Variants in PRRC2C observed in about 807,000 individuals in gnomAD.
The protein encoded by PRRC2C is protein PRRC2C.
Under a neutral mutation model 317.2 loss-of-function variants are expected in PRRC2C, and 72 were observed. The observed-to-expected ratio is 0.23, with a 90% CI of 0.19 to 0.28. The LOEUF is 0.28. Ranked by LOEUF, PRRC2C falls within the 10% of genes least tolerant of loss-of-function variation. PRRC2C has a pLI of 1.00. For synonymous variants in PRRC2C, 1,296 were observed against 1,205.9 expected, an observed-to-expected ratio of 1.07 and a Z score of -1.55; for missense variants, 3,074 against 3,459.7, an observed-to-expected ratio of 0.89 and a Z score of 2.80.
At chr1:171,554,369 G>A (rs1279683386) in intron 18 of PRRC2C, among the ~76,000 whole-genome samples, 8 of 152,072 alleles carry the variant, frequency 5.3e-5, no homozygotes, top group Non-Finnish European at 8.8e-5. Flanking sequence ...GTCTCTGTAC[G>A]TGAGATGGGT....
intron 19 of PRRC2C, among the ~76,000 whole-genome samples, chr1:171,558,558 A>G (rs1469335063): frequency 6.6e-6 from 1 of 152,152 alleles, no homozygotes; most frequent in Non-Finnish European, 1.5e-5. Flanking sequence ...CAAATTTTTC[A>G]TCATTTATCT....
At chr1:171,539,427 CT>C (rs1347939827) in intron 15 of PRRC2C, among the ~76,000 whole-genome samples, 2 of 152,260 alleles carry the variant, frequency 1.3e-5, no homozygotes, top group Admixed American at 6.5e-5. Flanking sequence ...ATCTCCAGAA[CT>C]TTTTTTTATC....
chr1:171,529,135 C>A (rs188884920), intron 11 of PRRC2C, among the ~76,000 whole-genome samples: 1 of 152,272 alleles, frequency 6.6e-6, no homozygotes, highest in African/African-American at 2.4e-5. Flanking sequence ...AGACACCTCG[C>A]TATTTTGTTT....
At position 171,535,612 on chromosome 1, in the gene PRRC2C, A is replaced by AT; in HGVS notation, c.2043+19dup. Reference sequence around the variant, plus strand: ...AGCGGCAGCAGGTAATGATAAAAATATTTTATCATGTATGTGTGATTGAAG... The same window carrying AT: ...AGCGGCAGCAGGTAATGATAAAAATATTTTTATCATGTATGTGTGATTGAAG... On this transcript the variant is annotated intron_variant, in intron 13 of 34. Coordinates refer to ENST00000647382, the MANE Select transcript of PRRC2C (RefSeq NM_001387844.1). 6.2e-7 allele frequency: 1 copy of AT among 1,610,916 alleles called. No homozygotes were observed. The highest frequency in any genetic ancestry group is 8.5e-7 in the Non-Finnish European group (1 of 1,177,824).
chr1:171,558,174 G>A, intron 19 of PRRC2C, 31 bp downstream of exon 19: 1 of 1,576,542 alleles, frequency 6.3e-7, no homozygotes, highest in Middle Eastern at 1.7e-4. Context: ...GAGGGGTGGG[G>A]AATGGCATAG....
Position 171,490,092 on chromosome 1 carries a change from G to T in PRRC2C, c.-58+4357G>T, listed in dbSNP as rs1666843377. ...CTGCCATCACGCCTGGCTAATTTTT[G>T]TATTTTTAGTAGAGATGGGGTTTCA... On this transcript the variant is annotated intron_variant, in intron 1 of 34. Transcript: ENST00000647382. 2.0e-5 allele frequency among the ~76,000 whole-genome samples: 3 copies of T among 152,018 alleles called. No homozygotes were observed. The South Asian group carries it at 6.2e-4, about 32-fold the overall frequency.
At position 171,541,685 on chromosome 1, in the gene PRRC2C, C is replaced by G; in HGVS notation, c.4219C>G (p.Arg1407Gly). The change falls in exon 16 of 35, where the codon CGA (arginine) becomes GGA (glycine). Residue 1407 changes from arginine (R) to glycine (G), a missense_variant. Physicochemically the swap from Arg to Gly is moderately radical, Grantham distance 125. Transcript: ENST00000647382. The surrounding 1 kb of genome is among the most constrained non-coding windows in gnomAD (Gnocchi z 4.1). ...GTTTATTCCTATAGCAGCAGATAAACGACCTCCAAAATTTGAGCGAAAATT... is the reference window on the plus strand; with the variant it reads ...GTTTATTCCTATAGCAGCAGATAAAGGACCTCCAAAATTTGAGCGAAAATT... Reference protein sequence around the residue: ...EQFIPIAADKRPPKFERKFDP... With the variant: ...EQFIPIAADKGPPKFERKFDP... 3.7e-6 allele frequency: 6 copies of G among 1,613,888 alleles called. No homozygotes were observed. Among genetic ancestry groups the G allele is most frequent in the Non-Finnish European group, 5.1e-6 (6 of 1,179,858 alleles).
chr1:171,580,505 A>G (rs1252358283), intron 28 of PRRC2C, among the ~76,000 whole-genome samples: 1 of 152,238 alleles, frequency 6.6e-6, no homozygotes, highest in African/African-American at 2.4e-5. Flanking sequence ...ATGAAAACTG[A>G]TTTTTATTGA....
chr1:171,568,133 T>C, intron 22 of PRRC2C, 114 bp from the exon 23 acceptor site: 10 of 1,358,612 alleles, frequency 7.4e-6, no homozygotes, highest in Non-Finnish European at 8.6e-6. Flanking sequence ...TGCAGTGAGC[T>C]GAGATCATGC....
At position 171,536,009 on chromosome 1, in the gene PRRC2C, A is replaced by G. The variant is rs371426967; in HGVS notation, c.2044-20A>G. ...TCATGTGGAACTAAACTCTCAAGATATGGGATCTTACTTTTTCAGGAACAG... is the reference window on the plus strand; with the variant it reads ...TCATGTGGAACTAAACTCTCAAGATGTGGGATCTTACTTTTTCAGGAACAG... On this transcript the variant is annotated intron_variant, in intron 13 of 34. Coordinates refer to ENST00000647382, the MANE Select transcript of PRRC2C (RefSeq NM_001387844.1). The G allele has an allele frequency of 1.3e-6, 2 of 1,551,754 alleles. No individual in the cohort carries two copies. The highest frequency in any genetic ancestry group is 1.4e-5 in the African/African-American group (1 of 73,054).
chr1:171,492,252 A>G (rs1667287638), intron 1 of PRRC2C, among the ~76,000 whole-genome samples: 1 of 152,252 alleles, frequency 6.6e-6, no homozygotes, highest in Non-Finnish European at 1.5e-5. Flanking sequence ...TCTCTTGAAG[A>G]AATAACTATT....
Position 171,540,790 on chromosome 1 carries a change from T to C in PRRC2C, c.3324T>C (p.Pro1108=), listed in dbSNP as rs147038054. The change falls in exon 16 of 35, where the codon CCT becomes CCC. Residue 1108 remains proline, a synonymous_variant. Transcript: ENST00000647382. ...AQKPSQDTEK[P]LEPVSTVQVE... ...AACCATCTCAGGATACTGAGAAGCCTCTGGAACCTGTGAGTACTGTTCAGG... is the reference window on the plus strand; with the variant it reads ...AACCATCTCAGGATACTGAGAAGCCCCTGGAACCTGTGAGTACTGTTCAGG... 5 of 1,613,946 alleles carry C rather than the reference T, an allele frequency of 3.1e-6. No homozygotes were observed. Among genetic ancestry groups the C allele is most frequent in the Admixed American group, 1.7e-5 (1 of 60,020 alleles).
intron 1 of PRRC2C, among the ~76,000 whole-genome samples, chr1:171,502,562 T>C (rs901738536): frequency 2.6e-5 from 4 of 152,210 alleles, no homozygotes; most frequent in Non-Finnish European, 4.4e-5. Flanking sequence ...GTTTATTGTT[T>C]TGTTAAAAGT....
intron 19 of PRRC2C, 126 bp from the exon 20 acceptor site, chr1:171,560,892 A>G: frequency 1.3e-6 from 1 of 792,358 alleles, no homozygotes; most frequent in Non-Finnish European, 2.2e-6. Flanking sequence ...TCTGATTTGA[A>G]AAGTGATTGT....
intron 7 of PRRC2C, among the ~76,000 whole-genome samples, chr1:171,523,016 T>G (rs1360740095): frequency 6.6e-6 from 1 of 152,206 alleles, no homozygotes; most frequent in Non-Finnish European, 1.5e-5. Context: ...TTAAAAACTT[T>G]GTCAGCTGTT....
rs1408448290 is a variant in PRRC2C, at chr1:171,537,307, G to A, written c.2338G>A (p.Gly780Arg). Residue 780 changes from glycine to arginine, a missense_variant, in exon 15 of 35, where the codon GGG becomes AGG. This residue lies in a region of PRRC2C where 1,320 missense variants were observed against 1,395.7 expected (regional missense o/e 0.95). Coordinates refer to ENST00000647382, the MANE Select transcript of PRRC2C (RefSeq NM_001387844.1). Reference sequence around the variant, plus strand: ...ATTAATGAGAAGAGACCAGATGGAAGGGTCACCGAACAGTTCTGAGTCATT... The same window carrying A: ...ATTAATGAGAAGAGACCAGATGGAAAGGTCACCGAACAGTTCTGAGTCATT... ...KPLMRRDQME[G>R]SPNSSESFEH... is the part of the protein sequence containing the mutation. 1 of 1,601,014 alleles carries A rather than the reference G, an allele frequency of 6.2e-7. No individual in the cohort carries two copies. Among genetic ancestry groups the A allele is most frequent in the Non-Finnish European group, 8.5e-7 (1 of 1,173,142 alleles).
intron 1 of PRRC2C, among the ~76,000 whole-genome samples, chr1:171,500,752 G>A (rs1041301426): frequency 1.3e-5 from 2 of 152,050 alleles, no homozygotes; most frequent in African/African-American, 4.8e-5. Flanking sequence ...TAGACCTTTT[G>A]GAAACAATCT....
At chr1:171,580,141 C>A (rs1648183654) in intron 28 of PRRC2C, among the ~76,000 whole-genome samples, 177 bp downstream of exon 28, 1 of 152,206 alleles carries the variant, frequency 6.6e-6, no homozygotes, top group South Asian at 2.1e-4. Flanking sequence ...CTGGTAATTT[C>A]AACCATATCT....
chr1:171,519,081 G>T (rs192409163), intron 6 of PRRC2C, among the ~76,000 whole-genome samples: 92 of 152,048 alleles, frequency 6.1e-4, no homozygotes, highest in Admixed American at 2.8e-3. Context: ...ACAGGATTTT[G>T]CCATGTTGGC....
Sources: gnomAD v4.1 joint callset for allele counts (sites outside exome capture counted in the v4.1 genomes callset) on GRCh38, gnomAD v4.1.1 for gene constraint, gnomAD v4.1.1 regional missense constraint, Gnocchi (gnomAD v3.1) non-coding constraint, MANE v1.5 for transcripts, NCBI Gene and HGNC (gene_info 2026-07-23, HGNC 2026-07-21) for gene names.